The following ZNF25 variants were observed in gnomAD, a reference collection of about 807,000 sequenced individuals.
ZNF25 encodes the protein zinc finger protein 25.
A neutral mutation model predicts 30.9 loss-of-function variants in ZNF25; 21 were observed. The ratio of observed to expected loss-of-function variants is 0.68; its 90% CI spans 0.48 to 0.98. The LOEUF is 0.98. ZNF25 is among the 50% of genes least tolerant of loss of function. The probability of loss-of-function intolerance (pLI) is 0.00; values close to 1 mark genes in which losing one functional copy is unlikely to be tolerated. For synonymous variants in ZNF25, 169 were observed against 181.3 expected (o/e 0.93, Z 0.55); for missense variants, 501 against 529.9 (o/e 0.95, Z 0.54).
rs779348569 is a variant in ZNF25 at position 37,952,503 on chromosome 10, T to C, written c.995A>G (p.His332Arg). 3 of 1,613,976 alleles carry C rather than the reference T, an allele frequency of 1.9e-6. No individual in the cohort carries two copies. Among genetic ancestry groups the C allele is most frequent in the Non-Finnish European group, 2.5e-6 (3 of 1,179,980 alleles). Residue 332 changes from histidine (H) to arginine (R), a missense_variant, in exon 6 of 6, where the codon CAT becomes CGT. Coordinates refer to ENST00000302609, the MANE Select transcript of ZNF25 (RefSeq NM_145011.4). Reference protein sequence around the residue: ...CFYQKSALTVHQRTHTGEKPF... With the variant: ...CFYQKSALTVRQRTHTGEKPF... ...TTTCTCCCCTGTGTGAGTTCGCTGATGTACTGTGAGGGCTGACTTCTGGTA... is the reference window on the plus strand; with the variant it reads ...TTTCTCCCCTGTGTGAGTTCGCTGACGTACTGTGAGGGCTGACTTCTGGTA...
chr10:37,957,611 A>G, intron 2 of ZNF25, 65 bp from the exon 3 acceptor site: 5 of 1,553,738 alleles, frequency 3.2e-6, no homozygotes, highest in Non-Finnish European at 4.4e-6. Flanking sequence ...TTGAAAAGAC[A>G]TGTGAACTAG....
At chr10:37,953,814 T>C (rs934539281) in intron 4 of ZNF25, 56 bp from the exon 5 acceptor site, 27 of 1,464,890 alleles carry the variant, frequency 1.8e-5, no homozygotes, top group Non-Finnish European at 2.5e-5. Flanking sequence ...AATATTGTCA[T>C]AGCATTGATT....
chr10:37,959,492 C>T (rs960294059), intron 2 of ZNF25, among the ~76,000 whole-genome samples: 2 of 152,122 alleles, frequency 1.3e-5, no homozygotes, highest in African/African-American at 2.4e-5. Context: ...ATTGGTAGAA[C>T]TGTTTAAGGC....
intron 2 of ZNF25, among the ~76,000 whole-genome samples, chr10:37,960,987 C>A (rs940046693): frequency 2.6e-5 from 4 of 152,118 alleles, no homozygotes; most frequent in African/African-American, 9.7e-5. Context: ...AACTTCTATG[C>A]TCAGAGTCAA....
At chr10:37,965,164 T>G (rs934793916) in intron 2 of ZNF25, among the ~76,000 whole-genome samples, 1 of 152,104 alleles carries the variant, frequency 6.6e-6, no homozygotes, top group Non-Finnish European at 1.5e-5. Context: ...TTTCAGAGGA[T>G]GTACTGGAAA....
intron 2 of ZNF25, among the ~76,000 whole-genome samples, chr10:37,959,977 C>G (rs531241049): frequency 6.6e-6 from 1 of 151,786 alleles, no homozygotes; most frequent in African/African-American, 2.4e-5. Context: ...TGCAGGGGCG[C>G]GATCTTAGCT....
At chr10:37,956,936 TGA>T (rs1286932388) in intron 4 of ZNF25, 82 bp downstream of exon 4, 3 of 620,320 alleles carry the variant, frequency 4.8e-6, no homozygotes, top group Admixed American at 3.6e-5. Context: ...AAAAAAAAAG[TGA>T]GAGATTGCCG....
intron 5 of ZNF25, 84 bp from the exon 6 acceptor site, chr10:37,953,279 G>T: frequency 7.6e-7 from 1 of 1,316,432 alleles, no homozygotes. Context: ...TATTTTCCAA[G>T]TACCTCTGAG....
chr10:37,958,565 C>A (rs540914527), intron 2 of ZNF25, among the ~76,000 whole-genome samples: 2 of 152,178 alleles, frequency 1.3e-5, no homozygotes, highest in Non-Finnish European at 1.5e-5. Context: ...TACATACACA[C>A]TTAACAAATA....
At chr10:37,973,936 T>C (rs1259900956) in intron 1 of ZNF25, among the ~76,000 whole-genome samples, 1 of 152,064 alleles carries the variant, frequency 6.6e-6, no homozygotes, top group Admixed American at 6.5e-5. Flanking sequence ...AAGAGACACA[T>C]AGATCAATGA....
intron 2 of ZNF25, among the ~76,000 whole-genome samples, chr10:37,961,152 T>C (rs1419396126): frequency 6.6e-6 from 1 of 152,176 alleles, no homozygotes; most frequent in East Asian, 1.9e-4. Context: ...CCAGGGTCAA[T>C]TGGGCAACAT....
chr10:37,958,285 G>A (rs371752526), intron 2 of ZNF25, among the ~76,000 whole-genome samples: 3 of 152,252 alleles, frequency 2.0e-5, no homozygotes, highest in East Asian at 3.9e-4. Flanking sequence ...ATTTTATTAG[G>A]TGGTCAAACT....
chr10:37,952,110 G>C lies in ZNF25; in HGVS notation c.*17C>G, dbSNP rs1257926022. The stretch of plus-strand genomic sequence containing the variant: ...TTTTGAAGGATTAATTCAGTCAAGA[G>C]AATTTCCCAACTCATCTTACTTCTC... On this transcript the variant is annotated 3_prime_UTR_variant, in exon 6 of 6. Transcript: ENST00000302609. 5.9e-6 allele frequency: 9 copies of C among 1,536,122 alleles called. No individual in the cohort carries two copies. The highest frequency in any genetic ancestry group is 7.9e-6 in the Non-Finnish European group (9 of 1,143,496).
chr10:37,957,162 T>C, intron 3 of ZNF25, 47 bp from the exon 4 acceptor site: 1 of 1,563,486 alleles, frequency 6.4e-7, no homozygotes, highest in Non-Finnish European at 8.8e-7. Flanking sequence ...GCTTGGAATT[T>C]AGGGACTGTG....
intron 1 of ZNF25, among the ~76,000 whole-genome samples, chr10:37,973,002 C>CTT (rs1399039135): frequency 6.6e-6 from 1 of 152,046 alleles, no homozygotes; most frequent in Non-Finnish European, 1.5e-5. Context: ...AAACCAGTCA[C>CTT]TACTAAAAGT....
At chr10:37,974,113 T>C (rs1262788720) in intron 1 of ZNF25, among the ~76,000 whole-genome samples, 3 of 152,176 alleles carry the variant, frequency 2.0e-5, no homozygotes, top group African/African-American at 7.2e-5. Context: ...TCTCATCATA[T>C]GCAAAAATCA....
chr10:37,963,148 GCT>G (rs2062986353), intron 2 of ZNF25, among the ~76,000 whole-genome samples: 1 of 147,536 alleles, frequency 6.8e-6, no homozygotes, highest in East Asian at 2.0e-4. Context: ...ACAGAGTCTT[GCT>G]CTGTCACCCA....
At chr10:37,973,268 A>C (rs2472149) in intron 1 of ZNF25, among the ~76,000 whole-genome samples, 117,409 of 151,918 alleles carry the variant, frequency 0.77, 45,522 homozygotes, top group South Asian at 0.87. Flanking sequence ...TACCAAAAAA[A>C]CCCCAACACC....
Position 37,950,250 on chromosome 10 carries a change from T to C in ZNF25, c.*1877A>G, listed in dbSNP as rs2062074207. The C allele has an allele frequency of 6.6e-6, 1 of 152,610 alleles. No homozygotes were observed. The highest frequency in any genetic ancestry group is 1.5e-5 in the Non-Finnish European group (1 of 68,032). The allele number at this position is 152,610 out of a possible 1,614,324, so 9.5% of individuals were successfully genotyped here. A position where few individuals can be genotyped will look rare whatever the true frequency, so the allele number is the denominator to read the frequency against. On this transcript the variant is annotated 3_prime_UTR_variant, in exon 6 of 6. Coordinates refer to ENST00000302609, the MANE Select transcript of ZNF25 (RefSeq NM_145011.4). ...AAGACAGCCACAGGTCAAACATAAA[T>C]AGGTGTTTTTTGTTTGTATTCATGT...
Sources: gnomAD v4.1 joint callset for allele counts (sites outside exome capture counted in the v4.1 genomes callset) on GRCh38, gnomAD v4.1.1 for gene constraint, MANE v1.5 for transcripts, NCBI Gene and HGNC (gene_info 2026-07-23, HGNC 2026-07-21) for gene names.